Variants in CELF2 observed in about 807,000 individuals in gnomAD.
The protein encoded by CELF2 is CUG triplet repeat RNA-binding protein 2.
In CELF2, 8 loss-of-function variants were observed where a neutral mutation model predicts 62.6. The ratio of observed to expected loss-of-function variants is 0.13; its 90% CI spans 0.07 to 0.23. The LOEUF is 0.23. CELF2 is among the 10% of genes least tolerant of loss of function. The pLI is 1.00. For synonymous variants in CELF2, 258 were observed against 250.0 expected, an observed-to-expected ratio of 1.03 and a Z score of -0.30; for missense variants, 333 against 671.0, an observed-to-expected ratio of 0.50 and a Z score of 5.56.
intron 2 of CELF2, among the ~76,000 whole-genome samples, chr10:10,951,072 GC>G (rs1460209754): frequency 6.6e-6 from 1 of 152,136 alleles, no homozygotes; most frequent in Non-Finnish European, 1.5e-5. Context: ...TAGACACTTG[GC>G]GTCTACAAAA....
the CELF2 span, among the ~76,000 whole-genome samples, chr10:10,565,327 A>T: frequency 6.6e-6 from 1 of 152,256 alleles, no homozygotes; most frequent in South Asian, 2.1e-4. Flanking sequence ...GACTGAAATA[A>T]TAAGTCAGTT....
chr10:11,235,527 A>G lies in CELF2; in HGVS notation c.355-13626A>G, dbSNP rs147066672. On this transcript the variant is annotated intron_variant, in intron 3 of 12. Transcript: ENST00000633077. Reference sequence around the variant, plus strand: ...CAGTATTTTCCAAAGTTGGTGAACAATCTCACACATTAGAATAGAAGGTAG... The same window carrying G: ...CAGTATTTTCCAAAGTTGGTGAACAGTCTCACACATTAGAATAGAAGGTAG... 3.1e-3 allele frequency among the ~76,000 whole-genome samples: 477 copies of G among 152,352 alleles called. 5 individuals carry two copies. Among genetic ancestry groups the G allele is most frequent in the African/African-American group, 0.011 (448 of 41,578 alleles).
chr10:11,066,970 A>G (rs1382214971), intron 1 of CELF2, among the ~76,000 whole-genome samples: 1 of 152,188 alleles, frequency 6.6e-6, no homozygotes, highest in Admixed American at 6.5e-5. Flanking sequence ...AGTTACTGTC[A>G]TGTGGCATGA....
intron 1 of CELF2, among the ~76,000 whole-genome samples, chr10:10,830,683 G>T (rs1411085903): frequency 6.6e-6 from 1 of 151,642 alleles, no homozygotes; most frequent in Non-Finnish European, 1.5e-5. Flanking sequence ...AACTCAAGGG[G>T]CTGTATTTCT....
At chr10:10,624,999 G>A in the CELF2 span, among the ~76,000 whole-genome samples, 3 of 152,334 alleles carry the variant, frequency 2.0e-5, no homozygotes, top group East Asian at 3.9e-4. Context: ...CCAAGCCTAA[G>A]TGGGCGAGAA....
At chr10:10,588,898 C>G in the CELF2 span, among the ~76,000 whole-genome samples, 86 of 152,260 alleles carry the variant, frequency 5.6e-4, no homozygotes, top group Admixed American at 8.5e-4. Flanking sequence ...TTTAAACTCT[C>G]CTTGATGTTT....
At chr10:10,680,514 A>T in the CELF2 span, among the ~76,000 whole-genome samples, 2 of 152,212 alleles carry the variant, frequency 1.3e-5, no homozygotes. Flanking sequence ...GATGTATGAC[A>T]ATTTGTATGC....
chr10:10,969,358 G>A (rs1456620854), intron 2 of CELF2, among the ~76,000 whole-genome samples: 2 of 152,182 alleles, frequency 1.3e-5, no homozygotes, highest in Non-Finnish European at 2.9e-5. Flanking sequence ...AACATCAGGG[G>A]TGAGTGATCT....
chr10:11,202,154 A>G (rs182578687), intron 2 of CELF2, among the ~76,000 whole-genome samples: 4 of 152,308 alleles, frequency 2.6e-5, no homozygotes, highest in Non-Finnish European at 2.9e-5. Context: ...TCTATGGTTT[A>G]TATCAACTAC....
the CELF2 span, among the ~76,000 whole-genome samples, chr10:10,754,150 C>CTTT: frequency 6.0e-5 from 5 of 83,184 alleles, no homozygotes; most frequent in African/African-American, 2.1e-4. Flanking sequence ...ACACTTTTTT[C>CTTT]TTTTTTTTTT....
intron 2 of CELF2, among the ~76,000 whole-genome samples, chr10:11,173,783 A>G (rs1449156638): frequency 6.6e-6 from 1 of 152,200 alleles, no homozygotes; most frequent in Non-Finnish European, 1.5e-5. Flanking sequence ...AGCCATGAAT[A>G]AGTACAGAAT....
the CELF2 span, among the ~76,000 whole-genome samples, chr10:10,631,046 C>T: frequency 1.3e-5 from 2 of 152,166 alleles, no homozygotes; most frequent in East Asian, 1.9e-4. Flanking sequence ...TATAGTGCGA[C>T]GTTAAAACTC....
At chr10:10,802,536 T>C (rs2054779505) in intron 1 of CELF2, among the ~76,000 whole-genome samples, 1 of 128,512 alleles carries the variant, frequency 7.8e-6, no homozygotes, top group Non-Finnish European at 1.6e-5. Flanking sequence ...GATGAGATGT[T>C]TATAGATAAG....
At chr10:11,043,271 C>T (rs1033136284) in intron 1 of CELF2, among the ~76,000 whole-genome samples, 1 of 152,220 alleles carries the variant, frequency 6.6e-6, no homozygotes, top group African/African-American at 2.4e-5. Context: ...TAGGCAGGGC[C>T]AGGGCTGGTA....
At chr10:11,179,980 A>G (rs1186734137) in intron 2 of CELF2, among the ~76,000 whole-genome samples, 3 of 152,158 alleles carry the variant, frequency 2.0e-5, no homozygotes, top group African/African-American at 4.8e-5. Context: ...CTAGCCCCCT[A>G]GTCTTCTCTG....
rs2055107921 is a variant in CELF2 at position 11,005,593 on chromosome 10, AC to A, written c.53+156del. The stretch of plus-strand genomic sequence containing the variant: ...AGAGGAAGAGGGAGATGAAATCGAG[AC>A]CCAGAGATTGGGAGAAAGAGAGAGC... On this transcript the variant is annotated intron_variant, in intron 1 of 12. Transcript: ENST00000416382. This position sits in a 1 kb window ranked among gnomAD's most constrained non-coding sequence, Gnocchi z 4.3. Among the ~76,000 whole-genome samples the A allele has an allele frequency of 6.6e-6, 1 of 152,176 alleles. No homozygotes were observed. The highest frequency in any genetic ancestry group is 2.4e-5 in the African/African-American group (1 of 41,438).
chr10:10,941,880 G>C (rs1335590861), intron 2 of CELF2, among the ~76,000 whole-genome samples: 4 of 151,640 alleles, frequency 2.6e-5, no homozygotes, highest in African/African-American at 9.7e-5. Flanking sequence ...TGTAATCCCA[G>C]CCACTGGGGA....
intron 1 of CELF2, among the ~76,000 whole-genome samples, chr10:10,894,798 A>G (rs553739820): frequency 1.3e-5 from 2 of 152,238 alleles, no homozygotes; most frequent in Admixed American, 6.5e-5. Context: ...TGGTGAATTC[A>G]CTCTGTTGAT....
At chr10:11,307,041 C>T (rs2094274620) in intron 9 of CELF2, among the ~76,000 whole-genome samples, 1 of 152,214 alleles carries the variant, frequency 6.6e-6, no homozygotes, top group South Asian at 2.1e-4. Context: ...CACTGTTTGC[C>T]ATCACCATTG....
Sources: allele counts gnomAD v4.1 joint callset (sites outside exome capture counted in the v4.1 genomes callset), GRCh38; gene constraint gnomAD v4.1.1; non-coding constraint Gnocchi (gnomAD v3.1); transcripts MANE v1.5; gene names NCBI Gene and HGNC (gene_info 2026-07-23, HGNC 2026-07-21).